Variants in PRKN observed in about 807,000 individuals in gnomAD.
PRKN encodes the protein parkin RBR E3 ubiquitin protein ligase, also known as E3 ubiquitin-protein ligase parkin.
PRKN carries 56 observed loss-of-function variants against 59.5 expected under a neutral mutation model. The observed-to-expected ratio is 0.94, with a 90% CI of 0.76 to 1.18. PRKN has a LOEUF of 1.18. Among genes scored for constraint, PRKN ranks in the 50% most tolerant of loss-of-function variants. PRKN has a pLI of 0.00. For missense variants in PRKN, 657 were observed against 596.4 expected (o/e 1.10, Z -1.06); for synonymous variants, 250 against 222.1 (o/e 1.13, Z -1.12).
intron 7 of PRKN, among the ~76,000 whole-genome samples, chr6:161,639,981 T>G (rs1170452880): frequency 6.6e-6 from 1 of 152,186 alleles, no homozygotes; most frequent in Non-Finnish European, 1.5e-5. Context: ...GAGATTTCAT[T>G]CAAAACTGTT....
intron 7 of PRKN, among the ~76,000 whole-genome samples, chr6:161,772,704 G>T (rs1789746948): frequency 1.3e-5 from 2 of 152,082 alleles, no homozygotes; most frequent in African/African-American, 4.8e-5. Flanking sequence ...TTAAATCTCT[G>T]ATTGTAAGCT....
intron 4 of PRKN, among the ~76,000 whole-genome samples, chr6:162,173,312 C>T (rs150847272): frequency 7.9e-5 from 12 of 152,234 alleles, no homozygotes; most frequent in East Asian, 1.9e-4. Context: ...AGCATCTCCA[C>T]GGACCAGCAC....
At chr6:162,575,982 C>A (rs1780540586) in intron 1 of PRKN, among the ~76,000 whole-genome samples, 1 of 152,160 alleles carries the variant, frequency 6.6e-6, no homozygotes, top group Admixed American at 6.6e-5. Flanking sequence ...GACTGTGCCT[C>A]TTCCCTTGGA....
At chr6:161,765,097 T>A (rs1276448988) in intron 7 of PRKN, among the ~76,000 whole-genome samples, 1 of 152,248 alleles carries the variant, frequency 6.6e-6, no homozygotes, top group Non-Finnish European at 1.5e-5. Context: ...CATTTCAGTC[T>A]CACTGGTAAA....
At chr6:162,174,084 G>A (rs1028269296) in intron 4 of PRKN, among the ~76,000 whole-genome samples, 3 of 152,142 alleles carry the variant, frequency 2.0e-5, no homozygotes, top group Admixed American at 2.0e-4. Flanking sequence ...AAAATGTAAT[G>A]AGCAATCATT....
intron 2 of PRKN, among the ~76,000 whole-genome samples, chr6:162,393,180 GAC>G (rs1787300419): frequency 2.0e-5 from 1 of 50,952 alleles, no homozygotes; most frequent in African/African-American, 1.0e-4. Context: ...TTTTTTTTGA[GAC>G]AGAGTCTCGC....
At chr6:162,189,591 A>T (rs376157187) in intron 4 of PRKN, among the ~76,000 whole-genome samples, 4 of 151,786 alleles carry the variant, frequency 2.6e-5, no homozygotes, top group African/African-American at 9.7e-5. Context: ...GCTAAGCACC[A>T]AAGTATGGTC....
chr6:162,056,663 C>T lies in PRKN; in HGVS notation c.535-2489G>A, dbSNP rs752380599. Among the ~76,000 whole-genome samples, 3 of 152,304 alleles carry T rather than the reference C, an allele frequency of 2.0e-5. No homozygotes were observed. The highest frequency in any genetic ancestry group is 4.4e-5 in the Non-Finnish European group (3 of 68,028). ...CATCTGGGAATGTGAATTTTGGAAG[C>T]GTCCACATCATTCCCTTACTGCTAC... On this transcript the variant is annotated intron_variant, in intron 4 of 11. Transcript: ENST00000366898. The surrounding 1 kb of genome is among the most constrained non-coding windows in gnomAD (Gnocchi z 4.9).
intron 6 of PRKN, among the ~76,000 whole-genome samples, chr6:161,873,931 T>A (rs1054974003): frequency 8.4e-6 from 1 of 119,656 alleles, no homozygotes; most frequent in African/African-American, 3.8e-5. Flanking sequence ...ATAAAATATA[T>A]AATATATATA....
At chr6:161,624,501 C>T (rs1054278034) in intron 7 of PRKN, among the ~76,000 whole-genome samples, 6 of 152,202 alleles carry the variant, frequency 3.9e-5, no homozygotes, top group African/African-American at 1.2e-4. Flanking sequence ...CCATTAAGCC[C>T]GGGTTCCTGC....
At chr6:162,443,788 C>T (rs1418293985) in intron 1 of PRKN, among the ~76,000 whole-genome samples, 1 of 152,086 alleles carries the variant, frequency 6.6e-6, no homozygotes, top group Non-Finnish European at 1.5e-5. Flanking sequence ...TGAAAGAGTC[C>T]CATGAGTTTA....
intron 1 of PRKN, among the ~76,000 whole-genome samples, chr6:162,551,152 C>G (rs1224028864): frequency 6.6e-6 from 1 of 152,108 alleles, no homozygotes; most frequent in African/African-American, 2.4e-5. Flanking sequence ...AAACGAGATT[C>G]TATTAACAGG....
At chr6:162,169,164 T>C (rs1307819532) in intron 4 of PRKN, among the ~76,000 whole-genome samples, 1 of 152,200 alleles carries the variant, frequency 6.6e-6, no homozygotes, top group Non-Finnish European at 1.5e-5. Context: ...AAGCTATTTG[T>C]CACATTCCCT....
At chr6:161,723,312 C>T (rs1462208001) in intron 7 of PRKN, among the ~76,000 whole-genome samples, 1 of 151,984 alleles carries the variant, frequency 6.6e-6, no homozygotes, top group Non-Finnish European at 1.5e-5. Context: ...AAGTGACACA[C>T]AACAGATCAC....
In PRKN at chr6:162,069,199, G is replaced by A. The variant is rs941276120; in HGVS notation, c.535-15025C>T. On this transcript the variant is annotated intron_variant, in intron 4 of 11. Coordinates refer to ENST00000366898, the MANE Select transcript of PRKN (RefSeq NM_004562.3). Reference sequence around the variant, plus strand: ...AGAATCATGGGGGCTGGTCTCTCTCGTGCTATTCTCATGATAGTGAATAAG... The same window carrying A: ...AGAATCATGGGGGCTGGTCTCTCTCATGCTATTCTCATGATAGTGAATAAG... 5.3e-5 allele frequency among the ~76,000 whole-genome samples: 8 copies of A among 152,064 alleles called. 1 individual carries two copies. Among genetic ancestry groups the A allele is most frequent in the South Asian group, 2.1e-4 (1 of 4,830 alleles).
chr6:162,447,437 A>T (rs12214107), intron 1 of PRKN, among the ~76,000 whole-genome samples: 84,734 of 151,876 alleles, frequency 0.56, 24,846 homozygotes, highest in African/African-American at 0.73. Flanking sequence ...ATGACGTATA[A>T]TATAGTATCA....
intron 9 of PRKN, among the ~76,000 whole-genome samples, chr6:161,427,942 A>T (rs2115044113): frequency 6.6e-6 from 1 of 152,268 alleles, no homozygotes; most frequent in South Asian, 2.1e-4. Context: ...ACCTGAAAAC[A>T]GAGGTTTCCA....
intron 2 of PRKN, among the ~76,000 whole-genome samples, chr6:162,293,810 G>A (rs1781543825): frequency 6.6e-6 from 1 of 152,120 alleles, no homozygotes; most frequent in South Asian, 2.1e-4. Flanking sequence ...AGAGGAAGAA[G>A]GGAGACAGAG....
At chr6:162,163,865 C>T (rs1298002982) in intron 4 of PRKN, among the ~76,000 whole-genome samples, 1 of 149,136 alleles carries the variant, frequency 6.7e-6, no homozygotes, top group Non-Finnish European at 1.5e-5. Flanking sequence ...TTAGGCTCCA[C>T]GTTCACCTGC....
Sources: allele counts gnomAD v4.1 joint callset (sites outside exome capture counted in the v4.1 genomes callset), GRCh38; gene constraint gnomAD v4.1.1; non-coding constraint Gnocchi (gnomAD v3.1); transcripts MANE v1.5; gene names NCBI Gene and HGNC (gene_info 2026-07-23, HGNC 2026-07-21).